Variants in NUP214 observed in about 807,000 individuals in gnomAD.
NUP214 encodes the protein nuclear pore complex protein Nup214.
NUP214 carries 79 observed loss-of-function variants against 196.2 expected under a neutral mutation model. The ratio of observed to expected loss-of-function variants is 0.40; its 90% CI spans 0.34 to 0.49. The LOEUF (loss-of-function observed/expected upper bound fraction) is 0.49, where lower values mean the gene tolerates loss of function less well. Ranked by LOEUF, NUP214 falls within the 20% of genes least tolerant of loss-of-function variation. NUP214 has a pLI of 0.58. For missense variants in NUP214, 2,468 were observed against 2,539.0 expected (o/e 0.97, Z 0.60); for synonymous variants, 1,020 against 990.5 (o/e 1.03, Z -0.56).
chr9:131,157,093 C>T (rs1338638052), intron 17 of NUP214, among the ~76,000 whole-genome samples: 2 of 151,948 alleles, frequency 1.3e-5, no homozygotes, highest in African/African-American at 2.4e-5. Flanking sequence ...CTAACTCATC[C>T]TCCTGAGTAG....
chr9:131,136,003 T>C lies in NUP214; in HGVS notation c.1002T>C (p.Asp334=), dbSNP rs778706152. The part of the protein sequence containing the change: ...TEVSILARQS[D]QINWESWLLE... ...TTAGTATCCTTGCTCGACAAAGTGATCAGGTAAATCTCTTTTTTGTCACTT... is the reference window on the plus strand; with the variant it reads ...TTAGTATCCTTGCTCGACAAAGTGACCAGGTAAATCTCTTTTTTGTCACTT... Residue 334 remains aspartate, a synonymous_variant, in exon 9 of 36, where the codon GAT becomes GAC. Transcript: ENST00000359428. The C allele has an allele frequency of 4.3e-6, 7 of 1,611,684 alleles. No homozygotes were observed. Among genetic ancestry groups the C allele is most frequent in the Non-Finnish European group, 5.9e-6 (7 of 1,177,818 alleles).
Position 131,197,577 on chromosome 9 carries a change from G to A in NUP214, c.4083G>A (p.Gln1361=). 6.2e-7 allele frequency: 1 copy of A among 1,614,154 alleles called. No individual in the cohort carries two copies. Among genetic ancestry groups the A allele is most frequent in the Non-Finnish European group, 8.5e-7 (1 of 1,180,038 alleles). ...CATCCACAAGCCTAACTAGTACCCAGCCAACCAAGACGTCAGGCGTGCCCT... is the reference window on the plus strand; with the variant it reads ...CATCCACAAGCCTAACTAGTACCCAACCAACCAAGACGTCAGGCGTGCCCT... ...KASSTSLTST[Q]PTKTSGVPSG... The change falls in exon 29 of 36, where the codon CAG becomes CAA. Residue 1361 remains glutamine (Q), a synonymous_variant. Transcript: ENST00000359428.
chr9:131,138,979 T>C (rs1831824390), intron 9 of NUP214, among the ~76,000 whole-genome samples: 1 of 152,192 alleles, frequency 6.6e-6, no homozygotes, highest in African/African-American at 2.4e-5. Flanking sequence ...TCATGGAAGG[T>C]ACCTCAGAAA....
At chr9:131,175,381 A>C (rs532743895) in intron 22 of NUP214, 79 bp from the exon 23 acceptor site, 2 of 1,518,512 alleles carry the variant, frequency 1.3e-6, no homozygotes, top group African/African-American at 2.8e-5. Flanking sequence ...GCAGTCGAAC[A>C]TAAAGAATTT....
intron 17 of NUP214, among the ~76,000 whole-genome samples, chr9:131,152,150 T>G (rs899157725): frequency 3.3e-5 from 5 of 152,372 alleles, no homozygotes; most frequent in African/African-American, 1.2e-4. Flanking sequence ...CTTCTCACTC[T>G]GTTGCCCAGG....
intron 24 of NUP214, among the ~76,000 whole-genome samples, chr9:131,186,261 A>G (rs547724990): frequency 2.0e-5 from 3 of 152,362 alleles, no homozygotes; most frequent in African/African-American, 7.2e-5. Flanking sequence ...CTTCAGTAGA[A>G]GCATGAAACG....
chr9:131,173,611 A>G (rs887845338), intron 21 of NUP214, among the ~76,000 whole-genome samples: 72 of 152,030 alleles, frequency 4.7e-4, no homozygotes, highest in African/African-American at 1.7e-3. Context: ...CGAGACACTC[A>G]GGACCGAGGA....
At chr9:131,201,154 C>T (rs767027285) in intron 29 of NUP214, among the ~76,000 whole-genome samples, 2 of 149,616 alleles carry the variant, frequency 1.3e-5, no homozygotes, top group Non-Finnish European at 3.0e-5. Flanking sequence ...TATCTTAGCA[C>T]ACCTGAATGT....
intron 12 of NUP214, 79 bp downstream of exon 12, chr9:131,144,833 C>T: frequency 8.9e-7 from 1 of 1,127,726 alleles, no homozygotes; most frequent in East Asian, 2.5e-5. Context: ...TAGAGTCACT[C>T]TGAGAGGAGT....
At chr9:131,185,409 T>C (rs1374090547) in intron 24 of NUP214, among the ~76,000 whole-genome samples, 1 of 152,368 alleles carries the variant, frequency 6.6e-6, no homozygotes. Context: ...AATGTCAGTG[T>C]CATTTGTAGA....
chr9:131,179,602 C>T (rs1350244888), intron 24 of NUP214, among the ~76,000 whole-genome samples: 1 of 152,178 alleles, frequency 6.6e-6, no homozygotes, highest in Non-Finnish European at 1.5e-5. Flanking sequence ...TTCTCCACAG[C>T]GTGCCCACCC....
At chr9:131,172,878 G>A (rs966142276) in intron 21 of NUP214, among the ~76,000 whole-genome samples, 5 of 152,118 alleles carry the variant, frequency 3.3e-5, no homozygotes, top group Middle Eastern at 3.2e-3. Flanking sequence ...ATAACTTGGG[G>A]AGGGAAGAAA....
intron 18 of NUP214, among the ~76,000 whole-genome samples, chr9:131,160,263 A>C (rs1033987104): frequency 1.3e-5 from 2 of 152,208 alleles, no homozygotes; most frequent in South Asian, 4.1e-4. Flanking sequence ...AAGAATGTGG[A>C]GGTACAAAAG....
At chr9:131,181,298 G>A (rs1337074563) in intron 24 of NUP214, among the ~76,000 whole-genome samples, 1 of 152,166 alleles carries the variant, frequency 6.6e-6, no homozygotes, top group African/African-American at 2.4e-5. Flanking sequence ...GAATGCTGGG[G>A]GAGTAGGTCA....
chr9:131,223,733 T>TATTTATTTATTTTA (rs1386712070), intron 32 of NUP214, among the ~76,000 whole-genome samples: 1 of 31,768 alleles, frequency 3.1e-5, no homozygotes, highest in African/African-American at 8.2e-5. Context: ...ATTTATTTTT[T>TATTTATTTATTTTA]TTTTTTTTTT....
Position 131,233,508 on chromosome 9 carries a change from C to T in NUP214, c.*21C>T. ...GCTGAGGGCGTGTCAGCAGGCCTTT[C>T]GATCCCTGGGACCAACCGCATCCTC... is the stretch of plus-strand genomic sequence containing the variant. On this transcript the variant is annotated 3_prime_UTR_variant, in exon 36 of 36. Coordinates refer to ENST00000359428, the MANE Select transcript of NUP214 (RefSeq NM_005085.4). 1.9e-6 allele frequency: 3 copies of T among 1,613,546 alleles called. No homozygotes were observed. The highest frequency in any genetic ancestry group is 1.7e-6 in the Non-Finnish European group (2 of 1,179,752).
At chr9:131,132,013 G>A (rs780394744) in intron 5 of NUP214, among the ~76,000 whole-genome samples, 1 of 151,904 alleles carries the variant, frequency 6.6e-6, no homozygotes, top group African/African-American at 2.4e-5. Context: ...ATGATTGTCT[G>A]CATCAGTGCT....
At chr9:131,174,006 G>T in intron 21 of NUP214, 49 bp from the exon 22 acceptor site, 2 of 1,578,700 alleles carry the variant, frequency 1.3e-6, no homozygotes, top group East Asian at 4.6e-5. Flanking sequence ...CTTAGCTTTT[G>T]GGCTTGCTTT....
intron 11 of NUP214, chr9:131,141,911 CA>C: frequency 6.6e-6 from 1 of 152,140 alleles, no homozygotes; most frequent in Non-Finnish European, 1.5e-5. Context: ...CTTACCTAAG[CA>C]AAAATGTATG....
Sources: gnomAD v4.1 joint callset for allele counts (sites outside exome capture counted in the v4.1 genomes callset) on GRCh38, gnomAD v4.1.1 for gene constraint, MANE v1.5 for transcripts, NCBI Gene and HGNC (gene_info 2026-07-23, HGNC 2026-07-21) for gene names.